FAM135B: variants seen among roughly 807,000 people sequenced by gnomAD.
FAM135B encodes protein FAM135B.
Under a neutral mutation model 127.7 loss-of-function variants are expected in FAM135B, and 43 were observed. The ratio of observed to expected loss-of-function variants is 0.34; its 90% confidence interval spans 0.26 to 0.43. The LOEUF is 0.43. Among genes scored for constraint, FAM135B ranks in the 20% least tolerant of loss-of-function variants. FAM135B has a pLI of 1.00. For synonymous variants in FAM135B, 670 were observed against 665.1 expected (o/e 1.01, Z -0.11); for missense variants, 1,558 against 1,725.6 (o/e 0.90, Z 1.72).
intron 15 of FAM135B, 38 bp downstream of exon 15, chr8:138,145,921 C>T (rs777057458): frequency 2.7e-6 from 3 of 1,097,150 alleles, no homozygotes; most frequent in Non-Finnish European, 4.2e-6. Context: ...AAGCATGCAT[C>T]CAGGGTTCTT....
chr8:138,452,006 T>G (rs1002547692), intron 1 of FAM135B, among the ~76,000 whole-genome samples: 1 of 152,082 alleles, frequency 6.6e-6, no homozygotes, highest in Non-Finnish European at 1.5e-5. Flanking sequence ...AAGTTGCATT[T>G]AAATGCAGAC....
At chr8:138,496,105 AAC>A (rs1174459484) in intron 1 of FAM135B, among the ~76,000 whole-genome samples, 2 of 152,168 alleles carry the variant, frequency 1.3e-5, no homozygotes, top group African/African-American at 4.8e-5. Flanking sequence ...CCAAAATAAT[AAC>A]AGTTACTACT....
chr8:138,343,610 A>G (rs1829202897), intron 2 of FAM135B, among the ~76,000 whole-genome samples: 1 of 152,208 alleles, frequency 6.6e-6, no homozygotes. Flanking sequence ...CCAGTGCCCA[A>G]GGGGAAGGCC....
intron 1 of FAM135B, among the ~76,000 whole-genome samples, chr8:138,463,879 T>C (rs893782429): frequency 2.0e-5 from 3 of 152,168 alleles, no homozygotes; most frequent in African/African-American, 4.8e-5. Context: ...AACCCTTTGA[T>C]GGGCAGTAAT....
chr8:138,147,177 A>G (rs978660448), intron 14 of FAM135B, among the ~76,000 whole-genome samples: 1 of 151,684 alleles, frequency 6.6e-6, no homozygotes, highest in South Asian at 2.1e-4. Flanking sequence ...GAGGTTAATT[A>G]TTATTCATTC....
intron 2 of FAM135B, among the ~76,000 whole-genome samples, chr8:138,353,166 C>A (rs1172658174): frequency 6.6e-6 from 1 of 152,118 alleles, no homozygotes; most frequent in Non-Finnish European, 1.5e-5. Flanking sequence ...TGCTTTTCTA[C>A]CTCCTCTAGG....
At chr8:138,284,563 G>A (rs889664368) in intron 3 of FAM135B, among the ~76,000 whole-genome samples, 6 of 151,260 alleles carry the variant, frequency 4.0e-5, no homozygotes, top group African/African-American at 1.5e-4. Context: ...ACTCCTTCCA[G>A]CTCACTGTTC....
At chr8:138,236,147 C>T (rs1820257486) in intron 7 of FAM135B, among the ~76,000 whole-genome samples, 1 of 152,126 alleles carries the variant, frequency 6.6e-6, no homozygotes, top group Admixed American at 6.6e-5. Flanking sequence ...CACTCATTTA[C>T]TCAACAAAGG....
At chr8:138,270,150 T>G (rs1302651839) in intron 3 of FAM135B, among the ~76,000 whole-genome samples, 1 of 152,076 alleles carries the variant, frequency 6.6e-6, no homozygotes. Flanking sequence ...CCCCCAAGGT[T>G]GCTACTTTCC....
At chr8:138,299,953 G>A (rs766732981) in intron 3 of FAM135B, among the ~76,000 whole-genome samples, 2 of 151,244 alleles carry the variant, frequency 1.3e-5, no homozygotes, top group South Asian at 4.2e-4. Flanking sequence ...CACCAAAAGT[G>A]AGAGTGGTAT....
At chr8:138,458,116 C>T (rs1248040013) in intron 1 of FAM135B, among the ~76,000 whole-genome samples, 1 of 152,152 alleles carries the variant, frequency 6.6e-6, no homozygotes, top group Non-Finnish European at 1.5e-5. Flanking sequence ...CACGCCGCTG[C>T]ACTCCAGCTT....
chr8:138,396,619 T>C (rs1295090009), intron 1 of FAM135B, among the ~76,000 whole-genome samples: 2 of 152,174 alleles, frequency 1.3e-5, no homozygotes, highest in African/African-American at 4.8e-5. Flanking sequence ...GGTAAGGACA[T>C]TGAAGCCCCT....
At chr8:138,430,535 G>A (rs1008957813) in intron 1 of FAM135B, among the ~76,000 whole-genome samples, 1 of 152,106 alleles carries the variant, frequency 6.6e-6, no homozygotes, top group African/African-American at 2.4e-5. Context: ...CTCTCCTGCT[G>A]GGCAGGTGCT....
At chr8:138,335,376 T>C (rs915770776) in intron 2 of FAM135B, among the ~76,000 whole-genome samples, 19 of 152,170 alleles carry the variant, frequency 1.2e-4, no homozygotes, top group African/African-American at 2.9e-4. Flanking sequence ...CAATATGGCA[T>C]ACGTAATTTT....
At position 138,137,264 on chromosome 8, in the gene FAM135B, T is replaced by C; in HGVS notation, c.3902-4A>G. 2.6e-6 allele frequency: 4 copies of C among 1,535,808 alleles called. No individual in the cohort carries two copies. The highest frequency in any genetic ancestry group is 3.6e-6 in the Non-Finnish European group (4 of 1,108,680). ...ACGTTTTTAAAATACTGCAGCCCTGTAAAAATTAGCCAGATGAGTGCTTTT... is the reference window on the plus strand; with the variant it reads ...ACGTTTTTAAAATACTGCAGCCCTGCAAAAATTAGCCAGATGAGTGCTTTT... On this transcript the variant is annotated splice_polypyrimidine_tract_variant and splice_region_variant and intron_variant, in intron 18 of 19. Transcript: ENST00000395297.
chr8:138,308,988 T>C (rs941500320), intron 3 of FAM135B: 1 of 454,878 alleles, frequency 2.2e-6, no homozygotes, highest in Non-Finnish European at 4.4e-6. Context: ...ACTGGCTACT[T>C]ACCTTGTGCT....
chr8:138,268,793 G>C (rs1823147653), intron 3 of FAM135B, among the ~76,000 whole-genome samples: 1 of 152,166 alleles, frequency 6.6e-6, no homozygotes, highest in Admixed American at 6.5e-5. Context: ...TTTCATTTTA[G>C]AGTATTTTTA....
At chr8:138,142,809 C>T in intron 16 of FAM135B, 1 of 460,210 alleles carries the variant, frequency 2.2e-6, no homozygotes, top group Non-Finnish European at 3.9e-6. Flanking sequence ...AATTTTTATT[C>T]TCCCTGACAC....
intron 1 of FAM135B, among the ~76,000 whole-genome samples, chr8:138,399,788 T>C (rs1833050881): frequency 6.6e-6 from 1 of 152,178 alleles, no homozygotes; most frequent in African/African-American, 2.4e-5. Flanking sequence ...TGACATAAGC[T>C]TTCTGGTGAA....
Sources: allele counts gnomAD v4.1 joint callset (sites outside exome capture counted in the v4.1 genomes callset), GRCh38; gene constraint gnomAD v4.1.1; transcripts MANE v1.5; gene names NCBI Gene and HGNC (gene_info 2026-07-23, HGNC 2026-07-21).